NPSR1: variants seen among roughly 807,000 people sequenced by gnomAD.
NPSR1 encodes neuropeptide S receptor.
In NPSR1, 48 loss-of-function variants were observed where a neutral mutation model predicts 46.9. That is an observed-to-expected ratio of 1.02 (90% CI 0.81 to 1.30). The LOEUF is 1.30. NPSR1 is among the 50% of genes most tolerant of loss of function. The pLI is 0.00. For synonymous variants in NPSR1, 176 were observed against 168.1 expected (o/e 1.05, Z -0.36); for missense variants, 450 against 449.5 (o/e 1.00, Z -0.01).
At chr7:34,805,870 A>G (rs542856545) in intron 3 of NPSR1, among the ~76,000 whole-genome samples, 1 of 152,200 alleles carries the variant, frequency 6.6e-6, no homozygotes, top group East Asian at 1.9e-4. Context: ...AAAAACGGCC[A>G]AAAGATCTGA....
rs139328445 is a variant in NPSR1, at chr7:34,867,394, G to A, written c.1026-10682G>A. Among the ~76,000 whole-genome samples the A allele has an allele frequency of 5.9e-5, 9 of 151,890 alleles. 1 individual carries two copies. The highest frequency in any genetic ancestry group is 7.3e-5 in the African/African-American group (3 of 41,184). On this transcript the variant is annotated intron_variant, in intron 8 of 8. Coordinates refer to the NPSR1 transcript ENST00000359791. The stretch of plus-strand genomic sequence containing the variant: ...CCTCTCACTTGCTGCCTCTCATTGC[G>A]CCTCCTGTTTCTATCTTCAGTAAAG...
rs144496651 is a variant in NPSR1 at position 34,678,448 on chromosome 7, G to A, written c.148-6104G>A. Among the ~76,000 whole-genome samples, 1,140 of 152,174 alleles carry A rather than the reference G, an allele frequency of 7.5e-3. 3 individuals are homozygous for A. Among genetic ancestry groups the A allele is most frequent in the Non-Finnish European group, 0.01 (694 of 67,994 alleles). On this transcript the variant is annotated intron_variant, in intron 1 of 8. Coordinates refer to ENST00000360581, the MANE Select transcript of NPSR1 (RefSeq NM_207172.2). ...TTAACATGCTTCTCTTTATGAAACAGATCCCCTAAAAGAAACAGGAGTAAA... is the reference window on the plus strand; with the variant it reads ...TTAACATGCTTCTCTTTATGAAACAAATCCCCTAAAAGAAACAGGAGTAAA...
intron 2 of NPSR1, among the ~76,000 whole-genome samples, chr7:34,689,881 G>A (rs1349131920): frequency 6.6e-6 from 1 of 151,076 alleles, no homozygotes; most frequent in Admixed American, 6.6e-5. Flanking sequence ...GAAGGTCAAG[G>A]CAGCAGTGAG....
intron 2 of NPSR1, among the ~76,000 whole-genome samples, chr7:34,706,291 G>A (rs927106751): frequency 9.2e-5 from 14 of 151,568 alleles, no homozygotes; most frequent in African/African-American, 2.2e-4. Flanking sequence ...ATGTGAATTC[G>A]TAGGTTATTT....
intron 1 of NPSR1, among the ~76,000 whole-genome samples, chr7:34,681,087 T>C (rs766273670): frequency 8.5e-5 from 13 of 152,170 alleles, no homozygotes; most frequent in Non-Finnish European, 1.9e-4. Context: ...AAACTCTTGA[T>C]TTCTTCCACT....
At chr7:34,676,433 T>C (rs1792319951) in intron 1 of NPSR1, among the ~76,000 whole-genome samples, 1 of 152,220 alleles carries the variant, frequency 6.6e-6, no homozygotes, top group African/African-American at 2.4e-5. Context: ...GCTCACCTAG[T>C]TGTGATATTC....
chr7:34,689,620 A>AAAAAAAAAAAG (rs1793134444), intron 2 of NPSR1, among the ~76,000 whole-genome samples: 2 of 126,274 alleles, frequency 1.6e-5, no homozygotes, highest in African/African-American at 6.9e-5. Flanking sequence ...AAAAAAAAAA[A>AAAAAAAAAAAG]AAAAAAAAAA....
At chr7:34,786,762 T>A (rs1787484350) in intron 3 of NPSR1, among the ~76,000 whole-genome samples, 1 of 152,154 alleles carries the variant, frequency 6.6e-6, no homozygotes, top group Non-Finnish European at 1.5e-5. Context: ...GGTAACAATG[T>A]GCACTGTCAA....
intron 3 of NPSR1, among the ~76,000 whole-genome samples, chr7:34,787,333 G>C (rs78540986): frequency 0.074 from 11,244 of 152,140 alleles, 504 homozygotes; most frequent in East Asian, 0.12. Context: ...TCATAGAGGT[G>C]AAGAGAGTTT....
At chr7:34,726,748 A>G (rs536038166) in intron 2 of NPSR1, among the ~76,000 whole-genome samples, 3 of 152,182 alleles carry the variant, frequency 2.0e-5, no homozygotes, top group South Asian at 4.2e-4. Flanking sequence ...AAAGAAGTCA[A>G]TCTGCAAAGA....
intron 8 of NPSR1, among the ~76,000 whole-genome samples, chr7:34,860,787 A>T (rs780933833): frequency 7.9e-5 from 12 of 151,914 alleles, no homozygotes; most frequent in Admixed American, 1.3e-4. Context: ...GTACTGTTGT[A>T]AAAAGAGTTT....
chr7:34,852,021 G>A (rs994341086), downstream of NPSR1, among the ~76,000 whole-genome samples: 1 of 152,160 alleles, frequency 6.6e-6, no homozygotes, highest in African/African-American at 2.4e-5. Flanking sequence ...TAATTGGCCG[G>A]GCACAGTGGC....
intron 3 of NPSR1, among the ~76,000 whole-genome samples, chr7:34,789,265 C>T (rs1787608537): frequency 6.6e-6 from 1 of 151,452 alleles, no homozygotes; most frequent in South Asian, 2.1e-4. Flanking sequence ...CAGGGTTTCC[C>T]TTTCATAAAA....
chr7:34,670,442 C>A (rs2609220), intron 1 of NPSR1, among the ~76,000 whole-genome samples: 1 of 151,612 alleles, frequency 6.6e-6, no homozygotes, highest in East Asian at 1.9e-4. Flanking sequence ...AGCTAGATTG[C>A]GGAACTAAAT....
downstream of NPSR1, among the ~76,000 whole-genome samples, chr7:34,850,355 A>G (rs1369583574): frequency 6.6e-6 from 1 of 150,388 alleles, no homozygotes; most frequent in African/African-American, 2.4e-5. Flanking sequence ...CCTGACTTCC[A>G]GCCTCTGAGA....
At chr7:34,790,497 C>T (rs1166040309) in intron 3 of NPSR1, among the ~76,000 whole-genome samples, 2 of 151,190 alleles carry the variant, frequency 1.3e-5, no homozygotes, top group Non-Finnish European at 3.0e-5. Flanking sequence ...TTCTATTCAA[C>T]ATAGTACTGG....
intron 2 of NPSR1, among the ~76,000 whole-genome samples, chr7:34,765,815 C>G (rs1477683269): frequency 2.0e-5 from 3 of 152,146 alleles, no homozygotes; most frequent in East Asian, 1.9e-4. Flanking sequence ...AAACCAAATG[C>G]CACATGTTCT....
intron 2 of NPSR1, among the ~76,000 whole-genome samples, chr7:34,731,203 A>C (rs1464920594): frequency 6.6e-6 from 1 of 152,170 alleles, no homozygotes; most frequent in Non-Finnish European, 1.5e-5. Flanking sequence ...TCAAGAGTTA[A>C]TATACTCACT....
rs11978538 is a variant in NPSR1 at position 34,682,906 on chromosome 7, G to T, written c.148-1646G>T. Among the ~76,000 whole-genome samples the T allele has an allele frequency of 9.5e-4, 145 of 152,270 alleles. 1 individual carries two copies. Among genetic ancestry groups the T allele is most frequent in the African/African-American group, 3.2e-3 (135 of 41,560 alleles). On this transcript the variant is annotated intron_variant, in intron 1 of 8. Transcript: ENST00000360581. ...CAAAGATGCTGCCTCCAAGTGGGAA[G>T]TGACATATGTATGCTGGACACGATA...
Sources: allele counts gnomAD v4.1 joint callset (sites outside exome capture counted in the v4.1 genomes callset), GRCh38; gene constraint gnomAD v4.1.1; transcripts MANE v1.5; gene names NCBI Gene and HGNC (gene_info 2026-07-23, HGNC 2026-07-21).